EEF1A1: variants seen among roughly 807,000 people sequenced by gnomAD.
The protein encoded by EEF1A1 is elongation factor 1-alpha 1.
Under a neutral mutation model 38.5 loss-of-function variants are expected in EEF1A1, and 1 was observed. The ratio of observed to expected loss-of-function variants is 0.03; its 90% CI spans 0.01 to 0.12. EEF1A1 has a LOEUF of 0.12. Ranked by LOEUF, EEF1A1 falls within the 10% of genes least tolerant of loss-of-function variation. The pLI, the probability that EEF1A1 is intolerant of heterozygous loss-of-function variation, is 1.00. For missense variants in EEF1A1, 184 were observed against 588.3 expected (o/e 0.31, Z 7.11); for synonymous variants, 229 against 203.7 (o/e 1.12, Z -1.06).
chr6:73,520,205 T>G (rs1033164146), intron 1 of EEF1A1, 149 bp from the exon 2 acceptor site: 2 of 685,704 alleles, frequency 2.9e-6, no homozygotes, highest in Non-Finnish European at 2.3e-6. Flanking sequence ...GTGGGGAAAC[T>G]CCATCGCATA....
Position 73,517,577 on chromosome 6 carries a change from T to C in EEF1A1, c.*233A>G, listed in dbSNP as rs1279795726. The C allele has an allele frequency of 2.5e-6, 1 of 405,022 alleles. No individual in the cohort carries two copies. Among genetic ancestry groups the C allele is most frequent in the African/African-American group, 2.1e-5 (1 of 48,712 alleles). 25.1% of individuals were successfully genotyped at this position (405,022 alleles called of 1,614,324 possible). On this transcript the variant is annotated 3_prime_UTR_variant, in exon 8 of 8. Coordinates refer to ENST00000309268, the MANE Select transcript of EEF1A1 (RefSeq NM_001402.6). ...GTGACAAATTTTTGGTCAAGTTGTTTCCATTAAAAAGTACTGATTTTAAAA... is the reference window on the plus strand; with the variant it reads ...GTGACAAATTTTTGGTCAAGTTGTTCCCATTAAAAAGTACTGATTTTAAAA...
intron 3 of EEF1A1, 48 bp downstream of exon 3, chr6:73,519,289 A>G: frequency 6.2e-7 from 1 of 1,607,482 alleles, no homozygotes; most frequent in Non-Finnish European, 8.5e-7. Flanking sequence ...CAGTGTACAA[A>G]GCAAGCCTTT....
chr6:73,517,304 ATT>A lies in EEF1A1; in HGVS notation c.*504_*505del, dbSNP rs1235249435. 3 of 153,266 alleles carry A rather than the reference ATT, an allele frequency of 2.0e-5. No homozygotes were observed. Among genetic ancestry groups the A allele is most frequent in the East Asian group, 1.9e-4 (1 of 5,210 alleles). The allele number at this position is 153,266 out of a possible 1,614,324, so 9.5% of individuals were successfully genotyped here. On this transcript the variant is annotated 3_prime_UTR_variant, in exon 8 of 8. Coordinates refer to ENST00000309268, the MANE Select transcript of EEF1A1 (RefSeq NM_001402.6). ...TGACAGGCAATCAGCAACATGCTGC[ATT>A]TCTCTCCAGTGTTGTAATCAAAGCA...
At position 73,518,912 on chromosome 6, in the gene EEF1A1, T is replaced by C. The variant is rs1238349879; in HGVS notation, c.621+20A>G. On this transcript the variant is annotated intron_variant, in intron 4 of 7. Coordinates refer to ENST00000309268, the MANE Select transcript of EEF1A1 (RefSeq NM_001402.6). The stretch of plus-strand genomic sequence containing the variant: ...CGCCATTCCCAGAGCTTTTTAACAA[T>C]GGTCTTGAAAGCCACTTACGTTAGC... The C allele has an allele frequency of 3.1e-6, 5 of 1,611,242 alleles. No individual in the cohort carries two copies. The highest frequency in any genetic ancestry group is 1.3e-5 in the African/African-American group (1 of 74,992).
At position 73,518,441 on chromosome 6, in the gene EEF1A1, A is replaced by G. The variant is rs898644231; in HGVS notation, c.942T>C (p.Asn314=). The G allele has an allele frequency of 1.2e-6, 2 of 1,613,736 alleles. No homozygotes were observed. Among genetic ancestry groups the G allele is most frequent in the African/African-American group, 2.7e-5 (2 of 74,908 alleles). ...PGDNVGFNVK[N]VSVKDVRRGN... ...CACGACGAACATCCTTGACAGACAC[A>G]TTCTTGACATTGAAGCCCACATTGT... The change falls in exon 6 of 8, where the codon AAT becomes AAC. Residue 314 remains asparagine, a synonymous_variant. Coordinates refer to ENST00000309268, the MANE Select transcript of EEF1A1 (RefSeq NM_001402.6).
At chr6:73,518,872 G>C (rs756953818) in intron 4 of EEF1A1, 24 bp from the exon 5 acceptor site, 3 of 1,611,838 alleles carry the variant, frequency 1.9e-6, no homozygotes, top group Non-Finnish European at 2.5e-6. Flanking sequence ...ATGCCAATTT[G>C]TGTAAGCATG....
At position 73,518,282 on chromosome 6, in the gene EEF1A1, C is replaced by A; in HGVS notation, c.1030-18G>T. The A allele has an allele frequency of 1.2e-6, 2 of 1,611,200 alleles. No individual in the cohort carries two copies. The highest frequency in any genetic ancestry group is 2.2e-5 in the South Asian group (2 of 90,616). ...ATAATCACCTTGGAAAAAAGATTTG[C>A]ATTCAGTGCAAATCCAAAGTCTCAA... is the stretch of plus-strand genomic sequence containing the variant. On this transcript the variant is annotated intron_variant, in intron 6 of 7. Transcript: ENST00000309268.
chr6:73,520,949 G>T (rs928839423), intron 1 of EEF1A1, 51 bp downstream of exon 1: 2 of 152,888 alleles, frequency 1.3e-5, no homozygotes, highest in African/African-American at 4.8e-5. Context: ...GCACGCAAGG[G>T]CCATAACCCG....
chr6:73,517,419 C>T lies in EEF1A1; in HGVS notation c.*391G>A, dbSNP rs139915867. The T allele has an allele frequency of 5.5e-6, 1 of 182,472 alleles. No individual in the cohort carries two copies. Among genetic ancestry groups the T allele is most frequent in the African/African-American group, 2.4e-5 (1 of 42,120 alleles). The allele number at this position is 182,472 out of a possible 1,614,324, so 11.3% of individuals were successfully genotyped here. A position where few individuals can be genotyped will look rare whatever the true frequency, so the allele number is the denominator to read the frequency against. ...TATTCTCCACCCAGAAGTGTTAACTCAAGAATTACATTTTCAAGAAGTTTC... is the reference window on the plus strand; with the variant it reads ...TATTCTCCACCCAGAAGTGTTAACTTAAGAATTACATTTTCAAGAAGTTTC... On this transcript the variant is annotated 3_prime_UTR_variant, in exon 8 of 8. Transcript: ENST00000309268.
Position 73,518,692 on chromosome 6 carries a change from A to C in EEF1A1, c.772+6T>G, listed in dbSNP as rs374376904. The C allele has an allele frequency of 9.9e-6, 16 of 1,613,868 alleles. No homozygotes were observed. Among genetic ancestry groups the C allele is most frequent in the Admixed American group, 3.3e-5 (2 of 59,974 alleles). ...TCAAATTCAACTTTGTTTACAGCCA[A>C]CTTACCACCAATTTTGTAGACATCC... On this transcript the variant is annotated splice_donor_region_variant and intron_variant, in intron 5 of 7. Coordinates refer to ENST00000309268, the MANE Select transcript of EEF1A1 (RefSeq NM_001402.6).
In EEF1A1 at chr6:73,518,936, G is replaced by A. The variant is rs2150051668; in HGVS notation, c.617C>T (p.Ala206Val). The part of the protein sequence containing the change: ...WNGDNMLEPS[A>V]NMPWFKGWKV... ...ATGGTCTTGAAAGCCACTTACGTTA[G>A]CACTTGGCTCCAGCATGTTGTCACC... Residue 206 changes from alanine to valine, a missense_variant, in exon 4 of 8, where the codon GCT becomes GTT. By Grantham distance (64) the Ala-to-Val change is moderately conservative. Coordinates refer to ENST00000309268, the MANE Select transcript of EEF1A1 (RefSeq NM_001402.6). 2 of 1,612,066 alleles carry A rather than the reference G, an allele frequency of 1.2e-6. No homozygotes were observed. Among genetic ancestry groups the A allele is most frequent in the Non-Finnish European group, 1.7e-6 (2 of 1,178,250 alleles).
rs577855693 is a variant in EEF1A1, at chr6:73,519,107, A to T, written c.446T>A (p.Ile149Asn). ...LAYTLGVKQLIVGVNKMDSTE... is the reference protein window; with the variant it reads ...LAYTLGVKQLNVGVNKMDSTE... ...GGAATCCATTTTGTTAACACCGACAATTAGTTGTTTCACACCCAGTGTGTA... is the reference window on the plus strand; with the variant it reads ...GGAATCCATTTTGTTAACACCGACATTTAGTTGTTTCACACCCAGTGTGTA... The change falls in exon 4 of 8, where the codon ATT (isoleucine) becomes AAT (asparagine). Residue 149 changes from isoleucine (I) to asparagine (N), a missense_variant. Transcript: ENST00000309268. 6.2e-7 allele frequency: 1 copy of T among 1,600,984 alleles called. No individual in the cohort carries two copies. Among genetic ancestry groups the T allele is most frequent in the Admixed American group, 1.7e-5 (1 of 59,734 alleles).
At position 73,520,029 on chromosome 6, in the gene EEF1A1, T is replaced by C. The variant is rs750497846; in HGVS notation, c.-3A>G. 9.4e-6 allele frequency: 15 copies of C among 1,590,840 alleles called. 1 individual carries two copies. The South Asian group carries it at 1.6e-4, about 17-fold the overall frequency. ...ATATGAGTCTTTTCCTTTCCCATTT[T>C]GGCTTTTAGGGGTAGTTTTCACGAC... is the stretch of plus-strand genomic sequence containing the variant. On this transcript the variant is annotated 5_prime_UTR_variant, in exon 2 of 8. Transcript: ENST00000309268.
chr6:73,516,935 C>G lies in EEF1A1; in HGVS notation c.*875G>C, dbSNP rs1765532298. On this transcript the variant is annotated 3_prime_UTR_variant, in exon 8 of 8. Coordinates refer to ENST00000309268, the MANE Select transcript of EEF1A1 (RefSeq NM_001402.6). ...CAGGAGAAAAGCAATGTAGATTAGT[C>G]TAATTTTATAGCTACTTCAAATTGC... 1 of 152,168 alleles carries G rather than the reference C, an allele frequency of 6.6e-6. No individual in the cohort carries two copies. Among genetic ancestry groups the G allele is most frequent in the East Asian group, 1.9e-4 (1 of 5,196 alleles). The allele number at this position is 152,168 out of a possible 1,614,324, so 9.4% of individuals were successfully genotyped here.
rs975504146 is a variant in EEF1A1 at position 73,516,668 on chromosome 6, T to G, written c.*1142A>C. ...TATCCTTCAAACTTAAGCAAAAATT[T>G]TCCTTTTATAACCAAAAAAAAACCT... On this transcript the variant is annotated 3_prime_UTR_variant, in exon 8 of 8. Coordinates refer to ENST00000309268, the MANE Select transcript of EEF1A1 (RefSeq NM_001402.6). 2.0e-5 allele frequency: 3 copies of G among 152,030 alleles called. No homozygotes were observed. Among genetic ancestry groups the G allele is most frequent in the African/African-American group, 2.4e-5 (1 of 41,374 alleles). 9.4% of individuals were successfully genotyped at this position (152,030 alleles called of 1,614,324 possible). A position where few individuals can be genotyped will look rare whatever the true frequency, so the allele number is the denominator to read the frequency against.
At position 73,519,370 on chromosome 6, in the gene EEF1A1, G is replaced by A; in HGVS notation, c.291C>T (p.Asp97=). The A allele has an allele frequency of 6.2e-7, 1 of 1,612,480 alleles. No individual in the cohort carries two copies. Among genetic ancestry groups the A allele is most frequent in the Non-Finnish European group, 8.5e-7 (1 of 1,179,492 alleles). ...TCCCTGTAATCATGTTTTTGATAAA[G>A]TCTCTGTGTCCTGGGGCATCAATGA... ...VTIIDAPGHR[D]FIKNMITGTS... The change falls in exon 3 of 8, where the codon GAC becomes GAT. Residue 97 remains aspartate, a synonymous_variant. Transcript: ENST00000309268.
Position 73,517,932 on chromosome 6 carries a change from G to A in EEF1A1, c.1267C>T (p.Arg423Cys), listed in dbSNP as rs2150051301. Residue 423 changes from arginine (R) to cysteine (C), a missense_variant and splice_region_variant, in exon 8 of 8, where the codon CGC becomes TGC. Physicochemically the swap from Arg to Cys is radical, Grantham distance 180 (BLOSUM62 -3). Coordinates refer to ENST00000309268, the MANE Select transcript of EEF1A1 (RefSeq NM_001402.6). Reference protein sequence around the residue: ...ESFSDYPPLGRFAVRDMRQTV... With the variant: ...ESFSDYPPLGCFAVRDMRQTV... ...TGTCTCATATCACGAACAGCAAAGC[G>A]ACCTATTAAAAAAAAAGTTAATTAT... is the stretch of plus-strand genomic sequence containing the variant. 6.2e-7 allele frequency: 1 copy of A among 1,613,090 alleles called. No individual in the cohort carries two copies. Among genetic ancestry groups the A allele is most frequent in the East Asian group, 2.2e-5 (1 of 44,874 alleles).
rs200704078 is a variant in EEF1A1, at chr6:73,518,229, G to C, written c.1065C>G (p.Ala355=). Residue 355 remains alanine (A), a synonymous_variant, in exon 7 of 8, where the codon GCC becomes GCG. Coordinates refer to ENST00000309268, the MANE Select transcript of EEF1A1 (RefSeq NM_001402.6). ...IILNHPGQIS[A]GYAPVLDCHT... The stretch of plus-strand genomic sequence containing the variant: ...GGCAATCCAATACAGGGGCATAGCC[G>C]GCGCTTATTTGGCCTGGATGGTTCA... 3.2e-6 allele frequency: 5 copies of C among 1,571,794 alleles called. No homozygotes were observed. The highest frequency in any genetic ancestry group is 4.3e-6 in the Non-Finnish European group (5 of 1,156,356).
At position 73,519,235 on chromosome 6, in the gene EEF1A1, A is replaced by G. The variant is rs768745046; in HGVS notation, c.325-7T>C. 4.4e-6 allele frequency: 7 copies of G among 1,607,534 alleles called. No individual in the cohort carries two copies. In the Admixed American group the frequency reaches 8.3e-5, roughly 19 times the overall value. ...TCAGGACAGCACAGTCAGCCTTTAA[A>G]GAAAGCAAAGACATATCCCTGTCAA... is the stretch of plus-strand genomic sequence containing the variant. On this transcript the variant is annotated splice_region_variant and splice_polypyrimidine_tract_variant and intron_variant, in intron 3 of 7. Transcript: ENST00000309268.
Sources: gnomAD v4.1 joint callset for allele counts on GRCh38, gnomAD v4.1.1 for gene constraint, MANE v1.5 for transcripts, NCBI Gene and HGNC (gene_info 2026-07-23, HGNC 2026-07-21) for gene names.